CDH6: variants seen among roughly 807,000 people sequenced by gnomAD.
CDH6 encodes cadherin-6.
Under a neutral mutation model 78.0 loss-of-function variants are expected in CDH6, and 31 were observed. The observed-to-expected ratio is 0.40, with a 90% CI of 0.30 to 0.54. The LOEUF is 0.54. CDH6 is among the 20% of genes least tolerant of loss of function. CDH6 has a pLI of 0.56. For synonymous variants in CDH6, 376 were observed against 368.8 expected (o/e 1.02, Z -0.23); for missense variants, 724 against 975.9 (o/e 0.74, Z 3.44).
At chr5:31,259,626 A>G (rs1561046475) in intron 1 of CDH6, among the ~76,000 whole-genome samples, 2 of 152,236 alleles carry the variant, frequency 1.3e-5, no homozygotes. Context: ...CAATTCTGCA[A>G]CCTAAACCTA....
At chr5:31,287,914 A>G (rs1189401001) in intron 2 of CDH6, among the ~76,000 whole-genome samples, 3 of 152,234 alleles carry the variant, frequency 2.0e-5, no homozygotes, top group Non-Finnish European at 2.9e-5. Context: ...CTTCAAAAAC[A>G]TAATGGTTGT....
intron 2 of CDH6, among the ~76,000 whole-genome samples, chr5:31,292,857 ATATATATATATATATATG>A (rs1561061135): frequency 1.4e-3 from 48 of 34,232 alleles, no homozygotes; most frequent in African/African-American, 4.1e-3. Flanking sequence ...GTGTGCATAT[ATATATATATATATATATG>A]TATGTGTTTG....
At chr5:31,234,797 C>CACATATAT (rs1741406986) in intron 1 of CDH6, among the ~76,000 whole-genome samples, 1 of 152,114 alleles carries the variant, frequency 6.6e-6, no homozygotes, top group Non-Finnish European at 1.5e-5. Flanking sequence ...ATATGCATGA[C>CACATATAT]ACATATGCAT....
At chr5:31,229,247 C>G (rs995967637) in intron 1 of CDH6, among the ~76,000 whole-genome samples, 3 of 152,226 alleles carry the variant, frequency 2.0e-5, no homozygotes, top group African/African-American at 7.2e-5. Context: ...TGCAAGCCTA[C>G]TGGTTTGACT....
At chr5:31,273,555 G>A (rs945035240) in intron 2 of CDH6, among the ~76,000 whole-genome samples, 1 of 152,018 alleles carries the variant, frequency 6.6e-6, no homozygotes, top group Non-Finnish European at 1.5e-5. Flanking sequence ...CCCGACAGAC[G>A]ATACTGTCTG....
intron 2 of CDH6, among the ~76,000 whole-genome samples, chr5:31,275,292 C>G (rs911110533): frequency 2.0e-4 from 31 of 152,134 alleles, no homozygotes; most frequent in African/African-American, 5.8e-4. Context: ...GATCCCATCA[C>G]CCAGGTACTG....
chr5:31,238,075 T>C lies in CDH6; in HGVS notation c.-128-29271T>C, dbSNP rs78273914. Among the ~76,000 whole-genome samples the C allele has an allele frequency of 5.6e-3, 851 of 152,346 alleles. 5 individuals are homozygous for C. The highest frequency in any genetic ancestry group is 0.019 in the African/African-American group (809 of 41,586). On this transcript the variant is annotated intron_variant, in intron 1 of 11. Coordinates refer to ENST00000265071, the MANE Select transcript of CDH6 (RefSeq NM_004932.4). ...AACTTGAAGGAAGAAGAAAAGACAT[T>C]CTCTGAAATTAGGACCATCTAAATC... is the stretch of plus-strand genomic sequence containing the variant.
At chr5:31,208,921 C>T (rs1285389118) in intron 1 of CDH6, among the ~76,000 whole-genome samples, 3 of 152,134 alleles carry the variant, frequency 2.0e-5, no homozygotes, top group African/African-American at 7.2e-5. Context: ...CCTCAAGTGG[C>T]CGTCAATGCA....
At chr5:31,270,232 A>G (rs1742484220) in intron 2 of CDH6, among the ~76,000 whole-genome samples, 1 of 152,228 alleles carries the variant, frequency 6.6e-6, no homozygotes, top group Admixed American at 6.5e-5. Context: ...AGACCAGAGC[A>G]GAGGTTCCAA....
chr5:31,196,548 T>C (rs1740172738), intron 1 of CDH6, among the ~76,000 whole-genome samples: 1 of 152,174 alleles, frequency 6.6e-6, no homozygotes, highest in Non-Finnish European at 1.5e-5. Context: ...AAGGGACCTC[T>C]AGTGGGTCAC....
rs3840334 is a variant in CDH6 at position 31,325,321 on chromosome 5, T to TAC, written c.*2046_*2047dup. Reference sequence around the variant, plus strand: ...TTTTCTAGTTCTTCATACACACACATACACACACACACACACACACACACA... The same window carrying TAC: ...TTTTCTAGTTCTTCATACACACACATACACACACACACACACACACACACACA... On this transcript the variant is annotated 3_prime_UTR_variant, in exon 12 of 12. Coordinates refer to ENST00000265071, the MANE Select transcript of CDH6 (RefSeq NM_004932.4). 442 of 223,882 alleles carry TAC rather than the reference T, an allele frequency of 2.0e-3. 1 individual carries two copies. The highest frequency in any genetic ancestry group is 6.8e-3 in the African/African-American group (298 of 43,988). 13.9% of individuals were successfully genotyped at this position (223,882 alleles called of 1,614,324 possible). A position where few individuals can be genotyped will look rare whatever the true frequency, so the allele number is the denominator to read the frequency against.
chr5:31,267,448 C>T lies in CDH6; in HGVS notation c.-26C>T, dbSNP rs1193116008. 6.4e-7 allele frequency: 1 copy of T among 1,569,786 alleles called. No homozygotes were observed. The highest frequency in any genetic ancestry group is 8.8e-7 in the Non-Finnish European group (1 of 1,139,786). Reference sequence around the variant, plus strand: ...ACTTCCAAGAGTGGGGCACTCACTACGCACAGACTCGACGGTGCCATCAGC... The same window carrying T: ...ACTTCCAAGAGTGGGGCACTCACTATGCACAGACTCGACGGTGCCATCAGC... On this transcript the variant is annotated 5_prime_UTR_variant, in exon 2 of 12. It adds an upstream start codon to the 5' untranslated region. Transcript: ENST00000265071.
chr5:31,267,147 A>G (rs1248036429), intron 1 of CDH6, among the ~76,000 whole-genome samples, 199 bp from the exon 2 acceptor site: 1 of 152,150 alleles, frequency 6.6e-6, no homozygotes, highest in African/African-American at 2.4e-5. Flanking sequence ...AAGGAGAAAG[A>G]AAACAACAGC....
intron 1 of CDH6, among the ~76,000 whole-genome samples, chr5:31,258,611 GT>G (rs1742123226): frequency 6.6e-6 from 1 of 151,784 alleles, no homozygotes; most frequent in Non-Finnish European, 1.5e-5. Flanking sequence ...TGTTCTGCAC[GT>G]GTACCCCAGA....
chr5:31,253,085 T>G (rs1741952752), intron 1 of CDH6, among the ~76,000 whole-genome samples: 2 of 152,232 alleles, frequency 1.3e-5, no homozygotes, highest in Admixed American at 1.3e-4. Context: ...GCAAATTCAG[T>G]GCCCAGGGAG....
chr5:31,224,736 A>G (rs1353065030), intron 1 of CDH6, among the ~76,000 whole-genome samples: 1 of 151,984 alleles, frequency 6.6e-6, no homozygotes, highest in Non-Finnish European at 1.5e-5. Flanking sequence ...GTAGAACAGG[A>G]TTTTGCCTTG....
At chr5:31,258,662 T>G (rs1193272235) in intron 1 of CDH6, among the ~76,000 whole-genome samples, 1 of 151,776 alleles carries the variant, frequency 6.6e-6, no homozygotes, top group East Asian at 1.9e-4. Context: ...AAGAAAATGG[T>G]CCCCATTACA....
At chr5:31,261,913 A>G (rs1742221408) in intron 1 of CDH6, among the ~76,000 whole-genome samples, 2 of 152,212 alleles carry the variant, frequency 1.3e-5, no homozygotes, top group South Asian at 4.1e-4. Flanking sequence ...AAGCAATTCA[A>G]TCAATAAAAA....
At chr5:31,212,202 G>C (rs1740727923) in intron 1 of CDH6, among the ~76,000 whole-genome samples, 1 of 152,126 alleles carries the variant, frequency 6.6e-6, no homozygotes, top group Admixed American at 6.6e-5. Flanking sequence ...ATTGCTAATA[G>C]AACTTCCACA....
Sources: gnomAD v4.1 joint callset for allele counts (sites outside exome capture counted in the v4.1 genomes callset) on GRCh38, gnomAD v4.1.1 for gene constraint, MANE v1.5 for transcripts, NCBI Gene and HGNC (gene_info 2026-07-23, HGNC 2026-07-21) for gene names.